ADAMTS19: variants seen among roughly 807,000 people sequenced by gnomAD.
ADAMTS19 encodes ADAM metallopeptidase with thrombospondin type 1 motif 19.
Under a neutral mutation model 153.3 loss-of-function variants are expected in ADAMTS19, and 93 were observed. The ratio of observed to expected loss-of-function variants is 0.61; its 90% CI spans 0.51 to 0.72. The LOEUF (loss-of-function observed/expected upper bound fraction) is 0.72. Ranked by LOEUF, ADAMTS19 falls within the 30% of genes least tolerant of loss-of-function variation. The pLI, the probability that ADAMTS19 is intolerant of heterozygous loss-of-function variation, is 0.00. For missense variants in ADAMTS19, 1,482 were observed against 1,552.1 expected (o/e 0.95, Z 0.76); for synonymous variants, 600 against 556.6 (o/e 1.08, Z -1.10).
chr5:129,642,818 T>C (rs1053265720), intron 11 of ADAMTS19, among the ~76,000 whole-genome samples: 2 of 149,242 alleles, frequency 1.3e-5, no homozygotes, highest in African/African-American at 5.0e-5. Context: ...TAAAAACATA[T>C]CGATTTGAAA....
chr5:129,471,277 G>A (rs1237904025), intron 2 of ADAMTS19, among the ~76,000 whole-genome samples: 2 of 152,006 alleles, frequency 1.3e-5, no homozygotes, highest in African/African-American at 4.8e-5. Context: ...AAGGTGGGAG[G>A]ATCACCTGAA....
At chr5:129,651,912 T>G (rs1441476017) in intron 13 of ADAMTS19, among the ~76,000 whole-genome samples, 1 of 152,126 alleles carries the variant, frequency 6.6e-6, no homozygotes, top group Admixed American at 6.6e-5. Flanking sequence ...TCTGATTATT[T>G]GAATGTTAAT....
intron 21 of ADAMTS19, among the ~76,000 whole-genome samples, chr5:129,711,569 G>C (rs552098910): frequency 2.6e-5 from 4 of 152,160 alleles, no homozygotes; most frequent in Admixed American, 6.5e-5. Flanking sequence ...CCCAGCTCCT[G>C]GGTAGGCTGA....
chr5:129,460,354 G>C lies in ADAMTS19; in HGVS notation c.-38G>C. 1 of 1,586,452 alleles carries C rather than the reference G, an allele frequency of 6.3e-7. No individual in the cohort carries two copies. Among genetic ancestry groups the C allele is most frequent in the South Asian group, 1.1e-5 (1 of 90,546 alleles). ...CCCCGGAGTGGATCGCGCTGGAGGCGTGCGCCGGGCGAGAAGCCGCGGCCG... is the reference window on the plus strand; with the variant it reads ...CCCCGGAGTGGATCGCGCTGGAGGCCTGCGCCGGGCGAGAAGCCGCGGCCG... On this transcript the variant is annotated 5_prime_UTR_variant, in exon 1 of 23. Transcript: ENST00000274487.
At chr5:129,654,248 G>A in intron 13 of ADAMTS19, 58 bp from the exon 14 acceptor site, 2 of 1,493,648 alleles carry the variant, frequency 1.3e-6, no homozygotes, top group Non-Finnish European at 1.8e-6. Context: ...TGAAGCTTAA[G>A]ATAAAAATAT....
chr5:129,513,282 C>T (rs1751497853), intron 3 of ADAMTS19, among the ~76,000 whole-genome samples: 1 of 151,416 alleles, frequency 6.6e-6, no homozygotes, highest in African/African-American at 2.4e-5. Flanking sequence ...TGCTGTCTAC[C>T]TCCTAATATT....
At chr5:129,700,742 A>G (rs891869451) in intron 19 of ADAMTS19, among the ~76,000 whole-genome samples, 1 of 152,136 alleles carries the variant, frequency 6.6e-6, no homozygotes, top group African/African-American at 2.4e-5. Context: ...GTCCCACAGT[A>G]TAGTGATATG....
chr5:129,655,175 ACAGGGTGAAAT>A (rs1384773845), intron 14 of ADAMTS19, among the ~76,000 whole-genome samples: 10 of 152,346 alleles, frequency 6.6e-5, no homozygotes, highest in African/African-American at 2.2e-4. Context: ...AGGTTTGGGC[ACAGGGTGAAAT>A]CAGGTTCTGG....
intron 15 of ADAMTS19, among the ~76,000 whole-genome samples, chr5:129,664,385 G>C (rs1314659821): frequency 2.6e-5 from 4 of 152,056 alleles, no homozygotes; most frequent in Non-Finnish European, 5.9e-5. Context: ...GCGTATTTTG[G>C]TCATGTGAAA....
At chr5:129,509,318 T>G in intron 3 of ADAMTS19, 76 bp downstream of exon 3, 1 of 1,301,954 alleles carries the variant, frequency 7.7e-7, no homozygotes, top group Non-Finnish European at 1.0e-6. Flanking sequence ...CTCTCTCGTC[T>G]ATTTACTAGC....
intron 3 of ADAMTS19, among the ~76,000 whole-genome samples, chr5:129,520,035 T>C (rs983184807): frequency 1.3e-5 from 2 of 152,150 alleles, no homozygotes; most frequent in Admixed American, 1.3e-4. Context: ...TCAGAGTTAC[T>C]GAGGCCGGGA....
chr5:129,472,934 G>A (rs927341532), intron 2 of ADAMTS19, among the ~76,000 whole-genome samples: 1 of 151,726 alleles, frequency 6.6e-6, no homozygotes, highest in African/African-American at 2.4e-5. Context: ...AAGGAAGACC[G>A]AGGCACATTG....
At chr5:129,569,897 C>A (rs572479586) in intron 7 of ADAMTS19, among the ~76,000 whole-genome samples, 1 of 151,906 alleles carries the variant, frequency 6.6e-6, no homozygotes, top group Non-Finnish European at 1.5e-5. Context: ...TAAGAATCTA[C>A]CTAAACTGGC....
In ADAMTS19 at chr5:129,720,329, G is replaced by A. The variant is rs1351665905; in HGVS notation, c.3313-14603G>A. Among the ~76,000 whole-genome samples the A allele has an allele frequency of 4.6e-5, 7 of 151,656 alleles. No individual in the cohort carries two copies. The East Asian group carries it at 5.9e-4, about 13-fold the overall frequency. ...TAGGATTAAAGGTGTCCGCCACCACGCCCGGCTGATTTTTCTATTTTAGTA... is the reference window on the plus strand; with the variant it reads ...TAGGATTAAAGGTGTCCGCCACCACACCCGGCTGATTTTTCTATTTTAGTA... On this transcript the variant is annotated intron_variant, in intron 21 of 22. Coordinates refer to ENST00000274487, the MANE Select transcript of ADAMTS19 (RefSeq NM_133638.6).
intron 4 of ADAMTS19, among the ~76,000 whole-genome samples, chr5:129,526,682 CTCTT>C (rs1217530928): frequency 8.6e-5 from 13 of 151,838 alleles, no homozygotes; most frequent in African/African-American, 2.4e-4. Context: ...TGTGGCAAAG[CTCTT>C]TCTATGTTAC....
chr5:129,476,021 AT>A (rs1043213329), intron 2 of ADAMTS19, among the ~76,000 whole-genome samples: 3 of 151,474 alleles, frequency 2.0e-5, no homozygotes, highest in Admixed American at 1.3e-4. Context: ...AAAACCGATT[AT>A]TTTTTTTTCT....
At chr5:129,551,380 C>A (rs1354046414) in intron 6 of ADAMTS19, among the ~76,000 whole-genome samples, 3 of 151,346 alleles carry the variant, frequency 2.0e-5, no homozygotes, top group African/African-American at 2.4e-5. Context: ...TTCCTTATAC[C>A]ATTAATAAAA....
At chr5:129,679,956 A>G in intron 17 of ADAMTS19, 35 bp downstream of exon 17, 15 of 1,586,578 alleles carry the variant, frequency 9.5e-6, no homozygotes, top group Non-Finnish European at 1.3e-5. Flanking sequence ...TGGCATAATC[A>G]ACTTCTCATG....
At chr5:129,610,189 T>C (rs1751132760) in intron 8 of ADAMTS19, among the ~76,000 whole-genome samples, 1 of 151,902 alleles carries the variant, frequency 6.6e-6, no homozygotes, top group Admixed American at 6.6e-5. Flanking sequence ...GTGTAGAAGT[T>C]AAAGATAATG....
Sources: allele counts gnomAD v4.1 joint callset (sites outside exome capture counted in the v4.1 genomes callset), GRCh38; gene constraint gnomAD v4.1.1; transcripts MANE v1.5; gene names NCBI Gene and HGNC (gene_info 2026-07-23, HGNC 2026-07-21).